The following JAZF1 variants were observed in gnomAD, a reference collection of about 807,000 sequenced individuals.
JAZF1 encodes the protein juxtaposed with another zinc finger protein 1.
JAZF1 carries 8 observed loss-of-function variants against 26.4 expected under a neutral mutation model. That is an observed-to-expected ratio of 0.30 (90% CI 0.18 to 0.55). JAZF1 has a LOEUF of 0.55. Ranked by LOEUF, JAZF1 falls within the 20% of genes least tolerant of loss-of-function variation. The pLI, the probability that JAZF1 is intolerant of heterozygous loss-of-function variation, is 0.94. For synonymous variants in JAZF1, 126 were observed against 122.3 expected (o/e 1.03, Z -0.20); for missense variants, 199 against 322.0 (o/e 0.62, Z 2.92).
At chr7:27,910,461 C>T (rs768549646) in intron 2 of JAZF1, among the ~76,000 whole-genome samples, 1 of 152,168 alleles carries the variant, frequency 6.6e-6, no homozygotes, top group Non-Finnish European at 1.5e-5. Context: ...TGCTGATTTA[C>T]AAGGAGCAGC....
chr7:28,083,348 A>G (rs1336732739), intron 1 of JAZF1, among the ~76,000 whole-genome samples: 1 of 152,180 alleles, frequency 6.6e-6, no homozygotes, highest in African/African-American at 2.4e-5. Context: ...CACTCAACGG[A>G]TATTTACTGC....
intron 1 of JAZF1, among the ~76,000 whole-genome samples, chr7:28,008,001 C>G (rs947785555): frequency 1.3e-5 from 2 of 152,118 alleles, no homozygotes; most frequent in African/African-American, 2.4e-5. Flanking sequence ...ACGACAGAAG[C>G]TGCAACACTG....
chr7:28,004,553 T>A (rs574640877), intron 1 of JAZF1, among the ~76,000 whole-genome samples: 16 of 152,090 alleles, frequency 1.1e-4, no homozygotes, highest in Non-Finnish European at 1.8e-4. Context: ...CCAATTTGCA[T>A]CTCTCCCACC....
At chr7:27,984,806 A>C (rs1455678552) in intron 2 of JAZF1, among the ~76,000 whole-genome samples, 2 of 152,228 alleles carry the variant, frequency 1.3e-5, no homozygotes, top group Non-Finnish European at 2.9e-5. Flanking sequence ...AACTCACTCA[A>C]AACCACTCAA....
At chr7:28,143,231 C>T (rs898730182) in intron 1 of JAZF1, among the ~76,000 whole-genome samples, 3 of 152,146 alleles carry the variant, frequency 2.0e-5, no homozygotes, top group Admixed American at 1.3e-4. Flanking sequence ...TAGTGCTGTT[C>T]CCTGCTCAGG....
At chr7:28,075,373 T>G (rs969776027) in intron 1 of JAZF1, among the ~76,000 whole-genome samples, 1 of 152,226 alleles carries the variant, frequency 6.6e-6, no homozygotes, top group Non-Finnish European at 1.5e-5. Context: ...ATTTACCTGA[T>G]AGTGAGCTAA....
At chr7:28,006,393 C>G (rs1416824259) in intron 1 of JAZF1, among the ~76,000 whole-genome samples, 1 of 151,802 alleles carries the variant, frequency 6.6e-6, no homozygotes, top group Non-Finnish European at 1.5e-5. Flanking sequence ...ACAAAAACCC[C>G]AAACACCAAA....
chr7:28,090,912 C>T (rs1784285675), intron 1 of JAZF1, among the ~76,000 whole-genome samples: 2 of 150,472 alleles, frequency 1.3e-5, no homozygotes, highest in South Asian at 2.1e-4. Flanking sequence ...CTGCAAGCTC[C>T]GCTTCCCGGG....
At chr7:27,926,399 C>T (rs2128349022) in intron 2 of JAZF1, among the ~76,000 whole-genome samples, 1 of 152,278 alleles carries the variant, frequency 6.6e-6, no homozygotes, top group East Asian at 1.9e-4. Context: ...GGTCCTGGCT[C>T]GCACTTTTTC....
At chr7:28,144,552 G>T (rs1782998574) in intron 1 of JAZF1, among the ~76,000 whole-genome samples, 2 of 152,238 alleles carry the variant, frequency 1.3e-5, no homozygotes, top group Non-Finnish European at 2.9e-5. Flanking sequence ...AGGAGGCTGG[G>T]GCTCGCTCAC....
chr7:27,942,951 G>C (rs1784871350), intron 2 of JAZF1, among the ~76,000 whole-genome samples: 1 of 152,198 alleles, frequency 6.6e-6, no homozygotes, highest in Admixed American at 6.5e-5. Flanking sequence ...ATGACCTCAA[G>C]CGTGATCAGC....
chr7:28,095,756 C>T (rs1784373487), intron 1 of JAZF1, among the ~76,000 whole-genome samples: 1 of 152,188 alleles, frequency 6.6e-6, no homozygotes, highest in South Asian at 2.1e-4. Flanking sequence ...GGGCATCAGT[C>T]AGCTTAGGCT....
intron 2 of JAZF1, among the ~76,000 whole-genome samples, chr7:27,977,581 C>G (rs1389898407): frequency 1.3e-5 from 2 of 152,166 alleles, no homozygotes; most frequent in African/African-American, 2.4e-5. Context: ...CTTGTGGCAG[C>G]CACTCTTTGA....
At position 28,078,121 on chromosome 7, in the gene JAZF1, A is replaced by G. The variant is rs184211467; in HGVS notation, c.116-86140T>C. ...ATGAAAAAAATTGAGAATTTTTCCC[A>G]TAGAACAGATGTTTCCTAGGTTTGT... is the stretch of plus-strand genomic sequence containing the variant. On this transcript the variant is annotated intron_variant, in intron 1 of 4. Coordinates refer to ENST00000283928, the MANE Select transcript of JAZF1 (RefSeq NM_175061.4). Among the ~76,000 whole-genome samples, 194 of 152,312 alleles carry G rather than the reference A, an allele frequency of 1.3e-3. 2 individuals carry two copies. The highest frequency in any genetic ancestry group is 4.5e-3 in the African/African-American group (187 of 41,578).
intron 1 of JAZF1, among the ~76,000 whole-genome samples, chr7:28,119,518 T>C (rs1051609691): frequency 6.6e-6 from 1 of 152,178 alleles, no homozygotes; most frequent in African/African-American, 2.4e-5. Context: ...CCGTCCTTTT[T>C]GTTTCCAATG....
chr7:28,164,562 T>G (rs1783338048), intron 1 of JAZF1, among the ~76,000 whole-genome samples: 1 of 152,162 alleles, frequency 6.6e-6, no homozygotes, highest in African/African-American at 2.4e-5. Context: ...CATCTCTCCA[T>G]AACATGCAGA....
intron 3 of JAZF1, among the ~76,000 whole-genome samples, chr7:27,880,470 T>C (rs1388853763): frequency 2.6e-5 from 4 of 151,980 alleles, no homozygotes; most frequent in Non-Finnish European, 5.9e-5. Context: ...GTGTCTCTAC[T>C]AAAAACACAA....
intron 4 of JAZF1, among the ~76,000 whole-genome samples, chr7:27,839,093 G>C (rs1383877104): frequency 1.3e-5 from 2 of 152,252 alleles, no homozygotes; most frequent in African/African-American, 4.8e-5. Flanking sequence ...AGTAAGAAAA[G>C]GGGATGGAGC....
intron 2 of JAZF1, among the ~76,000 whole-genome samples, chr7:27,910,664 A>C (rs1262501464): frequency 6.6e-6 from 1 of 152,168 alleles, no homozygotes; most frequent in African/African-American, 2.4e-5. Context: ...GCTTTAATGG[A>C]TTGCAGCCGG....
Sources: allele counts gnomAD v4.1 joint callset (sites outside exome capture counted in the v4.1 genomes callset), GRCh38; gene constraint gnomAD v4.1.1; transcripts MANE v1.5; gene names NCBI Gene and HGNC (gene_info 2026-07-23, HGNC 2026-07-21).